The following DACH2 variants were observed in gnomAD, a reference collection of about 807,000 sequenced individuals.
The protein encoded by DACH2 is dachshund homolog 2.
Under a neutral mutation model 35.8 loss-of-function variants are expected in DACH2, and 17 were observed. The ratio of observed to expected loss-of-function variants is 0.48; its 90% CI spans 0.33 to 0.71. DACH2 has a LOEUF of 0.71. DACH2 is among the 30% of genes least tolerant of loss of function. The pLI is 0.02. For synonymous variants in DACH2, 195 were observed against 177.3 expected (o/e 1.10, Z -0.79); for missense variants, 469 against 472.7 (o/e 0.99, Z 0.07).
intron 1 of DACH2, among the ~76,000 whole-genome samples, chrX:86,287,242 G>A (rs748121315): frequency 3.3e-4 from 37 of 111,931 alleles, no homozygotes; most frequent in African/African-American, 1.1e-3. Flanking sequence ...CCATTGAAAA[G>A]TCTGCTGCCA....
chrX:86,157,865 T>C (rs1389973487), intron 1 of DACH2, among the ~76,000 whole-genome samples: 1 of 111,345 alleles, frequency 9.0e-6, no homozygotes, highest in Non-Finnish European at 1.9e-5. Context: ...GTATACATTA[T>C]GAGATATCCT....
chrX:86,573,468 G>C (rs889692089), intron 3 of DACH2, among the ~76,000 whole-genome samples: 1 of 111,613 alleles, frequency 9.0e-6, no homozygotes, highest in African/African-American at 3.3e-5. Flanking sequence ...AATTCAAAGA[G>C]ATTGCTTGTT....
rs1274628513 is a variant in DACH2 at position 86,456,059 on chromosome X, C to A, written c.528-58220C>A. Among the ~76,000 whole-genome samples the A allele has an allele frequency of 1.2e-4, 13 of 112,290 alleles. No homozygotes were observed. The East Asian group carries it at 3.7e-3, about 32-fold the overall frequency. On this transcript the variant is annotated intron_variant, in intron 2 of 11. Transcript: ENST00000373125. ...CCTGGCAGGGTAGCACAATCACTCA[C>A]CACTTCCTTGGCTGGGGCTGGCAGT...
intron 1 of DACH2, among the ~76,000 whole-genome samples, chrX:86,288,041 T>C (rs1034420026): frequency 8.9e-6 from 1 of 111,844 alleles, no homozygotes; most frequent in Non-Finnish European, 1.9e-5. Flanking sequence ...TGTGATGGCT[T>C]TCCAGATATT....
intron 3 of DACH2, among the ~76,000 whole-genome samples, chrX:86,648,709 G>A (rs760078484): frequency 6.5e-4 from 72 of 110,307 alleles, no homozygotes; most frequent in Non-Finnish European, 1.3e-3. Flanking sequence ...TTAGCTCCAA[G>A]CTCATCAAGT....
intron 7 of DACH2, among the ~76,000 whole-genome samples, chrX:86,781,234 C>T (rs914461684): frequency 1.8e-5 from 2 of 111,380 alleles, no homozygotes; most frequent in Non-Finnish European, 3.8e-5. Context: ...AGCCGAGACT[C>T]TCACTCAGGG....
intron 3 of DACH2, among the ~76,000 whole-genome samples, chrX:86,531,147 T>C (rs1026069443): frequency 8.9e-6 from 1 of 111,935 alleles, no homozygotes; most frequent in Non-Finnish European, 1.9e-5. Context: ...AATTGGAATT[T>C]GTGATTAAAA....
intron 3 of DACH2, among the ~76,000 whole-genome samples, chrX:86,579,799 T>C (rs1367493226): frequency 1.8e-5 from 2 of 112,514 alleles, no homozygotes; most frequent in Non-Finnish European, 3.8e-5. Flanking sequence ...TTACATATCA[T>C]TTGTTGAAGA....
At chrX:86,555,561 TGTTA>T (rs1447133290) in intron 3 of DACH2, among the ~76,000 whole-genome samples, 4 of 111,694 alleles carry the variant, frequency 3.6e-5, no homozygotes, top group African/African-American at 1.3e-4. Context: ...TTAGCAAAAC[TGTTA>T]GTTTTGGGTA....
At position 86,759,654 on chromosome X, in the gene DACH2, A is replaced by G. The variant is rs146785650; in HGVS notation, c.1240+19772A>G. ...ATTCAAGGTTATTATTGATGTGTGAAGGCTTATTCCTTGCCTTTCATTTAT... is the reference window on the plus strand; with the variant it reads ...ATTCAAGGTTATTATTGATGTGTGAGGGCTTATTCCTTGCCTTTCATTTAT... On this transcript the variant is annotated intron_variant, in intron 7 of 11. Coordinates refer to ENST00000373125, the MANE Select transcript of DACH2 (RefSeq NM_053281.3). Among the ~76,000 whole-genome samples, 612 of 110,541 alleles carry G rather than the reference A, an allele frequency of 5.5e-3. 3 individuals are homozygous for G. The highest frequency in any genetic ancestry group is 0.019 in the African/African-American group (577 of 30,480).
chrX:86,176,838 A>G (rs776977689), intron 1 of DACH2, among the ~76,000 whole-genome samples: 2 of 112,231 alleles, frequency 1.8e-5, no homozygotes, highest in South Asian at 7.4e-4. Context: ...TTATTTTCCA[A>G]TGGAAGACTG....
Position 86,454,603 on chromosome X carries a change from C to T in DACH2, c.528-59676C>T, listed in dbSNP as rs368774868. 2.6e-4 allele frequency among the ~76,000 whole-genome samples: 29 copies of T among 112,392 alleles called. No individual in the cohort carries two copies. In the East Asian group the frequency reaches 2.8e-3, roughly 11 times the overall value. On this transcript the variant is annotated intron_variant, in intron 2 of 11. Coordinates refer to ENST00000373125, the MANE Select transcript of DACH2 (RefSeq NM_053281.3). ...GATTGCATTGTGAAATTCTTGTTGT[C>T]TGCTTTTTAGCTCTATCAGGGCCGG...
chrX:86,542,527 T>G (rs1047653089), intron 3 of DACH2, among the ~76,000 whole-genome samples: 2 of 111,571 alleles, frequency 1.8e-5, no homozygotes, highest in African/African-American at 6.5e-5. Flanking sequence ...ACAAAAACCC[T>G]CTTTAGAATC....
intron 2 of DACH2, among the ~76,000 whole-genome samples, chrX:86,429,929 A>G (rs746435424): frequency 1.6e-4 from 18 of 112,236 alleles, no homozygotes; most frequent in Non-Finnish European, 2.8e-4. Flanking sequence ...ATAGAGATAA[A>G]TCATACAAAG....
chrX:86,797,516 G>A (rs1364247674), intron 7 of DACH2, among the ~76,000 whole-genome samples: 1 of 111,020 alleles, frequency 9.0e-6, no homozygotes, highest in Non-Finnish European at 1.9e-5. Flanking sequence ...TGTCTGTAGT[G>A]TCTTCGCTTC....
At chrX:86,521,523 G>T (rs1463261842) in intron 3 of DACH2, among the ~76,000 whole-genome samples, 2 of 111,620 alleles carry the variant, frequency 1.8e-5, no homozygotes, top group Non-Finnish European at 3.8e-5. Context: ...CATACTCCTT[G>T]GATTCAAGCT....
chrX:86,527,562 G>T (rs1244359460), intron 3 of DACH2, among the ~76,000 whole-genome samples: 1 of 112,046 alleles, frequency 8.9e-6, no homozygotes, highest in Non-Finnish European at 1.9e-5. Context: ...AGTATTTTAT[G>T]GTATGAATAT....
chrX:86,831,473 G>A (rs182312421), intron 11 of DACH2: 1 of 111,419 alleles, frequency 9.0e-6, no homozygotes, highest in Non-Finnish European at 1.9e-5. Context: ...AAATAACAAG[G>A]TTTGACAAAA....
intron 1 of DACH2, among the ~76,000 whole-genome samples, chrX:86,267,469 T>C (rs1168677640): frequency 1.8e-5 from 2 of 112,297 alleles, no homozygotes; most frequent in Non-Finnish European, 3.8e-5. Flanking sequence ...CTGAACTTTT[T>C]CATTCATGTT....
Sources: gnomAD v4.1 joint callset for allele counts (sites outside exome capture counted in the v4.1 genomes callset) on GRCh38, gnomAD v4.1.1 for gene constraint, MANE v1.5 for transcripts, NCBI Gene and HGNC (gene_info 2026-07-23, HGNC 2026-07-21) for gene names.